The following PRIMA1 variants were observed in gnomAD, a reference collection of about 807,000 sequenced individuals.
PRIMA1 encodes the protein proline rich membrane anchor 1, also known as proline-rich membrane anchor 1.
PRIMA1 carries 7 observed loss-of-function variants against 17.5 expected under a neutral mutation model. That is an observed-to-expected ratio of 0.40 (90% CI 0.23 to 0.75). PRIMA1 has a LOEUF of 0.75. Ranked by LOEUF, PRIMA1 falls within the 30% of genes least tolerant of loss-of-function variation. The pLI is 0.37. For missense variants in PRIMA1, 200 were observed against 201.8 expected (o/e 0.99, Z 0.05); for synonymous variants, 97 against 77.9 (o/e 1.25, Z -1.29).
chr14:93,733,530 G>C (rs1362308977), intron 4 of PRIMA1, among the ~76,000 whole-genome samples: 2 of 152,144 alleles, frequency 1.3e-5, no homozygotes, highest in African/African-American at 4.8e-5. Flanking sequence ...CAGGTGCCAA[G>C]GCATCTCCAG....
chr14:93,737,372 T>C lies in PRIMA1; in HGVS notation c.230-2A>G. The C allele has an allele frequency of 6.2e-7, 1 of 1,613,392 alleles. No individual in the cohort carries two copies. Among genetic ancestry groups the C allele is most frequent in the Non-Finnish European group, 8.5e-7 (1 of 1,179,724 alleles). On this transcript the variant is annotated splice_acceptor_variant, in intron 3 of 4. Coordinates refer to ENST00000393140, the MANE Select transcript of PRIMA1 (RefSeq NM_178013.4). LOFTEE classifies it high-confidence loss of function. ...TGGGGCAAGAGGTAGAGTTGGGAGCTGAAAAAGACAGGAGCAGCCTGAGTG... is the reference window on the plus strand; with the variant it reads ...TGGGGCAAGAGGTAGAGTTGGGAGCCGAAAAAGACAGGAGCAGCCTGAGTG...
chr14:93,762,419 C>T (rs934414294), intron 3 of PRIMA1, among the ~76,000 whole-genome samples: 5 of 151,926 alleles, frequency 3.3e-5, no homozygotes, highest in African/African-American at 1.2e-4. Context: ...CAGCCCCCCA[C>T]CCCCCAATCC....
chr14:93,747,849 G>A (rs1441373863), intron 3 of PRIMA1, among the ~76,000 whole-genome samples: 1 of 151,252 alleles, frequency 6.6e-6, no homozygotes, highest in Non-Finnish European at 1.5e-5. Flanking sequence ...GTATGAGTGT[G>A]TGTATGAGTG....
chr14:93,773,399 C>T (rs1395620017), intron 3 of PRIMA1, among the ~76,000 whole-genome samples: 2 of 152,230 alleles, frequency 1.3e-5, no homozygotes, highest in Non-Finnish European at 2.9e-5. Flanking sequence ...CGACCAACAG[C>T]GTCAGCATCA....
chr14:93,752,468 G>A (rs1385190209), intron 3 of PRIMA1, among the ~76,000 whole-genome samples: 1 of 152,132 alleles, frequency 6.6e-6, no homozygotes, highest in Non-Finnish European at 1.5e-5. Flanking sequence ...GTGGCTTGTT[G>A]AGTGGAACAC....
At chr14:93,732,840 TG>T (rs2076123804) in intron 4 of PRIMA1, among the ~76,000 whole-genome samples, 2 of 151,452 alleles carry the variant, frequency 1.3e-5, no homozygotes, top group South Asian at 4.1e-4. Flanking sequence ...GGGCTGGGGC[TG>T]GGAAGGGAAC....
At position 93,721,244 on chromosome 14, in the gene PRIMA1, C is replaced by T; in HGVS notation, c.*200G>A. On this transcript the variant is annotated 3_prime_UTR_variant, in exon 5 of 5. Coordinates refer to ENST00000393140, the MANE Select transcript of PRIMA1 (RefSeq NM_178013.4). Reference sequence around the variant, plus strand: ...GCCCAGGTGCTGCGCCGGGCTCAGCCTGGTGTCCGAGCTGCCTGGGCCCGC... The same window carrying T: ...GCCCAGGTGCTGCGCCGGGCTCAGCTTGGTGTCCGAGCTGCCTGGGCCCGC... 3.6e-6 allele frequency: 2 copies of T among 562,558 alleles called. No homozygotes were observed. The allele number at this position is 562,558 out of a possible 1,614,324, so 34.8% of individuals were successfully genotyped here.
At chr14:93,779,819 T>TAGAAATGTCTA (rs1245919322) in intron 2 of PRIMA1, among the ~76,000 whole-genome samples, 9 of 152,152 alleles carry the variant, frequency 5.9e-5, no homozygotes, top group African/African-American at 2.2e-4. Context: ...AAGGCCCCCC[T>TAGAAATGTCTA]CTCTTGGGTA....
chr14:93,788,089 CACTGTG>C (rs964487658), intron 1 of PRIMA1, among the ~76,000 whole-genome samples: 14 of 152,164 alleles, frequency 9.2e-5, no homozygotes, highest in African/African-American at 1.2e-4. Flanking sequence ...AACTCACTCT[CACTGTG>C]AGCACACTTC....
intron 3 of PRIMA1, among the ~76,000 whole-genome samples, chr14:93,774,430 C>T (rs540117865): frequency 6.6e-6 from 1 of 152,350 alleles, no homozygotes; most frequent in South Asian, 2.1e-4. Context: ...CTAGGGGGCA[C>T]TTCACAGGCC....
Position 93,721,177 on chromosome 14 carries a change from C to G in PRIMA1, c.*267G>C, listed in dbSNP as rs1265957252. 1.7e-5 allele frequency: 8 copies of G among 457,232 alleles called. No individual in the cohort carries two copies. The highest frequency in any genetic ancestry group is 2.7e-5 in the Non-Finnish European group (7 of 256,256). The allele number at this position is 457,232 out of a possible 1,614,324, so 28.3% of individuals were successfully genotyped here. The stretch of plus-strand genomic sequence containing the variant: ...TGGGGGCAGTCGACAGACCAGACAC[C>G]AGACAGGGAGGAGGATGTGGAGGGC... On this transcript the variant is annotated 3_prime_UTR_variant, in exon 5 of 5. Coordinates refer to ENST00000393140, the MANE Select transcript of PRIMA1 (RefSeq NM_178013.4).
intron 3 of PRIMA1, among the ~76,000 whole-genome samples, chr14:93,763,612 G>C (rs1407363895): frequency 6.6e-6 from 1 of 152,236 alleles, no homozygotes; most frequent in African/African-American, 2.4e-5. Context: ...CTAGAGGAGG[G>C]TTGAGGGAGG....
At chr14:93,728,006 C>T (rs2076090243) in intron 4 of PRIMA1, among the ~76,000 whole-genome samples, 1 of 152,210 alleles carries the variant, frequency 6.6e-6, no homozygotes, top group Admixed American at 6.5e-5. Flanking sequence ...TACAGAAATG[C>T]CCGGCACTGC....
chr14:93,747,858 T>G (rs1285683549), intron 3 of PRIMA1, among the ~76,000 whole-genome samples: 1 of 146,780 alleles, frequency 6.8e-6, no homozygotes, highest in African/African-American at 2.6e-5. Flanking sequence ...TGTGTATGAG[T>G]GTGTGTGAGT....
chr14:93,746,262 C>T (rs1338345823), intron 3 of PRIMA1, among the ~76,000 whole-genome samples: 1 of 152,072 alleles, frequency 6.6e-6, no homozygotes, highest in Non-Finnish European at 1.5e-5. Flanking sequence ...GCTTCTCCTC[C>T]TGCACACTGC....
chr14:93,733,215 A>G (rs911671499), intron 4 of PRIMA1, among the ~76,000 whole-genome samples: 1 of 152,122 alleles, frequency 6.6e-6, no homozygotes, highest in African/African-American at 2.4e-5. Flanking sequence ...GTACCTCTTT[A>G]AGAAACCTCC....
chr14:93,759,220 T>C (rs2076310992), intron 3 of PRIMA1, among the ~76,000 whole-genome samples: 1 of 152,102 alleles, frequency 6.6e-6, no homozygotes, highest in Non-Finnish European at 1.5e-5. Flanking sequence ...TATTGGCTTA[T>C]GGGGAGGGAC....
At chr14:93,747,533 G>C (rs1320356165) in intron 3 of PRIMA1, among the ~76,000 whole-genome samples, 1 of 152,106 alleles carries the variant, frequency 6.6e-6, no homozygotes, top group Non-Finnish European at 1.5e-5. Context: ...AAGGCAGGAG[G>C]TGGAGTGTGT....
chr14:93,719,064 G>A lies in PRIMA1; in HGVS notation c.*2380C>T, dbSNP rs1242279436. ...TTGAATGGGCGGTCTTGGGCTTGAG[G>A]TGGGGGGTGGATATTAAGTGAATCT... On this transcript the variant is annotated 3_prime_UTR_variant, in exon 5 of 5. Coordinates refer to ENST00000393140, the MANE Select transcript of PRIMA1 (RefSeq NM_178013.4). 1 of 152,144 alleles carries A rather than the reference G, an allele frequency of 6.6e-6. No individual in the cohort carries two copies. The highest frequency in any genetic ancestry group is 6.5e-5 in the Admixed American group (1 of 15,280). 9.4% of individuals were successfully genotyped at this position (152,144 alleles called of 1,614,324 possible). A position where few individuals can be genotyped will look rare whatever the true frequency, so the allele number is the denominator to read the frequency against.
Sources: gnomAD v4.1 joint callset for allele counts (sites outside exome capture counted in the v4.1 genomes callset) on GRCh38, gnomAD v4.1.1 for gene constraint, MANE v1.5 for transcripts, NCBI Gene and HGNC (gene_info 2026-07-23, HGNC 2026-07-21) for gene names.